Variants in STAU1 observed in about 807,000 individuals in gnomAD.
STAU1 encodes staufen double-stranded RNA binding protein 1, also known as double-stranded RNA-binding protein Staufen homolog 1.
Under a neutral mutation model 62.9 loss-of-function variants are expected in STAU1, and 13 were observed. That is an observed-to-expected ratio of 0.21 (90% CI 0.13 to 0.33). The LOEUF (loss-of-function observed/expected upper bound fraction) is 0.33, where lower values mean the gene tolerates loss of function less well. Among genes scored for constraint, STAU1 ranks in the 10% least tolerant of loss-of-function variants. The pLI, the probability that STAU1 is intolerant of heterozygous loss-of-function variation, is 1.00. For synonymous variants in STAU1, 269 were observed against 265.1 expected, an observed-to-expected ratio of 1.01 and a Z score of -0.14; for missense variants, 571 against 712.1, an observed-to-expected ratio of 0.80 and a Z score of 2.25.
At chr20:49,161,706 A>G (rs2093451005) in intron 3 of STAU1, among the ~76,000 whole-genome samples, 1 of 152,256 alleles carries the variant, frequency 6.6e-6, no homozygotes, top group Admixed American at 6.5e-5. Context: ...CGTTAAGAGC[A>G]CTGAAGTCAA....
the STAU1 span, among the ~76,000 whole-genome samples, chr20:49,197,262 GAA>G: frequency 5.5e-5 from 5 of 90,486 alleles, no homozygotes; most frequent in African/African-American, 2.1e-4. Context: ...CAGTAGTTAA[GAA>G]AAAAAAAAAA....
intron 3 of STAU1, chr20:49,158,322 G>T: frequency 1.5e-6 from 1 of 688,208 alleles, no homozygotes; most frequent in Non-Finnish European, 2.2e-6. Context: ...TTATTCTTCT[G>T]ATGTAATCAC....
chr20:49,159,082 A>G, intron 3 of STAU1: 1 of 1,221,528 alleles, frequency 8.2e-7, no homozygotes, highest in Middle Eastern at 2.3e-4. Context: ...AGAAGCCTGC[A>G]ACGCAGTACA....
At chr20:49,198,927 C>T in the STAU1 span, among the ~76,000 whole-genome samples, 1 of 152,048 alleles carries the variant, frequency 6.6e-6, no homozygotes, top group African/African-American at 2.4e-5. Flanking sequence ...CGTGCCACTA[C>T]ACTCCAGCCT....
At position 49,125,252 on chromosome 20, in the gene STAU1, G is replaced by A. The variant is rs566816954; in HGVS notation, c.610-665C>T. Among the ~76,000 whole-genome samples, 10 of 113,586 alleles carry A rather than the reference G, an allele frequency of 8.8e-5. No homozygotes were observed. The South Asian group carries it at 2.8e-3, about 32-fold the overall frequency. 74.5% of individuals were successfully genotyped at this position (113,586 alleles called of 152,430 possible). ...AAGGATAAAAAAAATCAATGGGCTG[G>A]ACATGGTGGCTCACACCTGTAATCC... On this transcript the variant is annotated intron_variant, in intron 6 of 13. Transcript: ENST00000371856.
At chr20:49,184,280 CA>C (rs200992290) in intron 1 of STAU1, among the ~76,000 whole-genome samples, 8 of 147,708 alleles carry the variant, frequency 5.4e-5, no homozygotes, top group African/African-American at 1.0e-4. Flanking sequence ...AACTCCATCT[CA>C]AAAAAAAAAA....
Position 49,114,676 on chromosome 20 carries a change from A to G in STAU1, c.*202T>C. ...GGGACCGCCAGGTCACCGAGTGGCC[A>G]TCACAACAAACCCCAGCACAGTCCA... On this transcript the variant is annotated 3_prime_UTR_variant, in exon 14 of 14. Coordinates refer to ENST00000371856, the MANE Select transcript of STAU1 (RefSeq NM_017453.4). 7.3e-6 allele frequency: 4 copies of G among 547,934 alleles called. No homozygotes were observed. The highest frequency in any genetic ancestry group is 1.3e-5 in the Non-Finnish European group (4 of 301,624). 33.9% of individuals were successfully genotyped at this position (547,934 alleles called of 1,614,324 possible).
chr20:49,135,809 G>A, intron 6 of STAU1, 24 bp downstream of exon 6: 1 of 1,562,216 alleles, frequency 6.4e-7, no homozygotes, highest in Non-Finnish European at 8.8e-7. Context: ...AGAATACAAA[G>A]TCCTACATGT....
At chr20:49,207,863 TGTAA>T in the STAU1 span, among the ~76,000 whole-genome samples, 2 of 152,048 alleles carry the variant, frequency 1.3e-5, no homozygotes, top group East Asian at 3.9e-4. Flanking sequence ...GTTTGGGGGT[TGTAA>T]GTGACCAAGA....
the STAU1 span, among the ~76,000 whole-genome samples, chr20:49,213,724 T>G: frequency 6.6e-6 from 1 of 152,300 alleles, no homozygotes; most frequent in African/African-American, 2.4e-5. Flanking sequence ...GCCACCCTAT[T>G]TAGTCCTCCC....
chr20:49,139,229 T>C (rs2092955678), intron 5 of STAU1, among the ~76,000 whole-genome samples: 1 of 152,200 alleles, frequency 6.6e-6, no homozygotes, highest in Non-Finnish European at 1.5e-5. Context: ...GAAACATTAA[T>C]ATTAGACTTC....
chr20:49,142,648 ATTTG>A (rs2093034853), intron 5 of STAU1, among the ~76,000 whole-genome samples: 2 of 152,040 alleles, frequency 1.3e-5, no homozygotes, highest in African/African-American at 4.8e-5. Flanking sequence ...TATTTATAGT[ATTTG>A]TTTATTTTTT....
At chr20:49,160,530 T>C (rs1391175911) in intron 3 of STAU1, among the ~76,000 whole-genome samples, 3 of 152,222 alleles carry the variant, frequency 2.0e-5, no homozygotes, top group African/African-American at 7.2e-5. Context: ...TAACTCCAGA[T>C]ATGCAAGAAT....
At chr20:49,149,668 C>T (rs2093206282) in intron 5 of STAU1, among the ~76,000 whole-genome samples, 1 of 152,228 alleles carries the variant, frequency 6.6e-6, no homozygotes, top group Admixed American at 6.5e-5. Context: ...TTTAACTTCA[C>T]TAAATCCTCC....
intron 3 of STAU1, chr20:49,158,540 T>C (rs773317365): frequency 7.7e-7 from 1 of 1,291,946 alleles, no homozygotes; most frequent in African/African-American, 1.5e-5. Context: ...CCAGGTGCAG[T>C]GGCTCATGCC....
chr20:49,206,765 T>A, the STAU1 span, among the ~76,000 whole-genome samples: 37,528 of 129,116 alleles, frequency 0.29, 5,526 homozygotes, highest in East Asian at 0.47. Context: ...TATTTTATTT[T>A]TTTTTTTTTG....
At chr20:49,195,663 G>A in the STAU1 span, among the ~76,000 whole-genome samples, 1 of 151,168 alleles carries the variant, frequency 6.6e-6, no homozygotes, top group Non-Finnish European at 1.5e-5. Flanking sequence ...CAACACTTTG[G>A]GAGCCCAAGG....
the STAU1 span, among the ~76,000 whole-genome samples, chr20:49,204,636 ATATATATATATTTTTTTT>A: frequency 1.8e-5 from 1 of 55,946 alleles, no homozygotes; most frequent in Non-Finnish European, 2.9e-5. Context: ...GTATATATAT[ATATATATATATTTTTTTT>A]TTTTTTTTTT....
rs576061038 is a variant in STAU1 at position 49,166,829 on chromosome 20, G to T, written c.-84-544C>A. Among the ~76,000 whole-genome samples the T allele has an allele frequency of 1.6e-4, 25 of 152,212 alleles. No homozygotes were observed. In the South Asian group the frequency reaches 5.2e-3, roughly 32 times the overall value. On this transcript the variant is annotated intron_variant, in intron 2 of 13. Coordinates refer to ENST00000371856, the MANE Select transcript of STAU1 (RefSeq NM_017453.4). Reference sequence around the variant, plus strand: ...CTTCTGCTGTTTCTTTTTCTTTATGGTGATGAGAGATGTATTGTTTTCCTA... The same window carrying T: ...CTTCTGCTGTTTCTTTTTCTTTATGTTGATGAGAGATGTATTGTTTTCCTA...
Sources: gnomAD v4.1 joint callset for allele counts (sites outside exome capture counted in the v4.1 genomes callset) on GRCh38, gnomAD v4.1.1 for gene constraint, MANE v1.5 for transcripts, NCBI Gene and HGNC (gene_info 2026-07-23, HGNC 2026-07-21) for gene names.